CPPED1: variants seen among roughly 807,000 people sequenced by gnomAD.
CPPED1 encodes serine/threonine-protein phosphatase CPPED1.
Under a neutral mutation model 28.0 loss-of-function variants are expected in CPPED1, and 28 were observed. That is an observed-to-expected ratio of 1.00 (90% CI 0.74 to 1.37). The LOEUF is 1.37. Ranked by LOEUF, CPPED1 falls within the 40% of genes most tolerant of loss-of-function variation. The pLI is 0.00. For missense variants in CPPED1, 504 were observed against 416.5 expected, an observed-to-expected ratio of 1.21 and a Z score of -1.83; for synonymous variants, 198 against 180.2, an observed-to-expected ratio of 1.10 and a Z score of -0.79.
At chr16:12,741,206 T>C (rs1326642260) in intron 2 of CPPED1, among the ~76,000 whole-genome samples, 1 of 152,062 alleles carries the variant, frequency 6.6e-6, no homozygotes, top group African/African-American at 2.4e-5. Flanking sequence ...GAAAGAATGG[T>C]TCTGCCTCAT....
intron 2 of CPPED1, among the ~76,000 whole-genome samples, chr16:12,729,796 G>A (rs1173279617): frequency 6.6e-6 from 1 of 152,202 alleles, no homozygotes; most frequent in Non-Finnish European, 1.5e-5. Flanking sequence ...GGACAAACAG[G>A]AGAGAACAGC....
chr16:12,789,482 G>A (rs1395712158), intron 1 of CPPED1, among the ~76,000 whole-genome samples: 1 of 152,054 alleles, frequency 6.6e-6, no homozygotes, highest in African/African-American at 2.4e-5. Context: ...GAATGCCTAG[G>A]TCTAGCCAAA....
In CPPED1 at chr16:12,773,178, G is replaced by A. The variant is rs75197255; in HGVS notation, c.289+8007C>T. ...CATTCTGCATAAAGACCCTTTTAAA[G>A]TATATATGTGTGGCCGTTTTCCTGA... is the stretch of plus-strand genomic sequence containing the variant. On this transcript the variant is annotated intron_variant, in intron 2 of 3. Transcript: ENST00000381774. Among the ~76,000 whole-genome samples the A allele has an allele frequency of 5.9e-3, 888 of 151,780 alleles. 11 individuals are homozygous for A. Among genetic ancestry groups the A allele is most frequent in the African/African-American group, 0.02 (836 of 41,538 alleles).
intron 3 of CPPED1, among the ~76,000 whole-genome samples, chr16:12,702,013 C>T (rs1471010315): frequency 5.9e-5 from 9 of 152,262 alleles, no homozygotes; most frequent in East Asian, 5.8e-4. Flanking sequence ...GAGAAAGCAC[C>T]GCTGGGGTGG....
intron 2 of CPPED1, among the ~76,000 whole-genome samples, chr16:12,752,827 A>G (rs907423137): frequency 6.8e-6 from 1 of 148,100 alleles, no homozygotes. Flanking sequence ...TACATAACAT[A>G]TATTAATTAG....
At chr16:12,713,476 C>A (rs1252632151) in intron 2 of CPPED1, among the ~76,000 whole-genome samples, 3 of 151,942 alleles carry the variant, frequency 2.0e-5, no homozygotes, top group Admixed American at 2.0e-4. Flanking sequence ...TGCGATTCTC[C>A]TGCCTCAACC....
chr16:12,711,257 C>T (rs1362896487), intron 2 of CPPED1, among the ~76,000 whole-genome samples: 1 of 152,140 alleles, frequency 6.6e-6, no homozygotes, highest in African/African-American at 2.4e-5. Flanking sequence ...TGTTTGATGT[C>T]ACTTATATGA....
intron 1 of CPPED1, among the ~76,000 whole-genome samples, chr16:12,792,404 G>A (rs1017651020): frequency 6.6e-6 from 1 of 152,144 alleles, no homozygotes; most frequent in African/African-American, 2.4e-5. Context: ...GATAAAGGCT[G>A]GAGATGCTGC....
chr16:12,696,671 G>A (rs910100035), intron 3 of CPPED1, among the ~76,000 whole-genome samples: 3 of 151,936 alleles, frequency 2.0e-5, no homozygotes, highest in Non-Finnish European at 4.4e-5. Context: ...TCGAACTCCT[G>A]ACCTCAGGTG....
At chr16:12,683,545 C>G (rs377473531) in intron 3 of CPPED1, among the ~76,000 whole-genome samples, 1 of 152,188 alleles carries the variant, frequency 6.6e-6, no homozygotes, top group Admixed American at 6.5e-5. Flanking sequence ...TCTGCAAACT[C>G]AACCCGCTTA....
At chr16:12,743,779 G>A (rs1030464666) in intron 2 of CPPED1, among the ~76,000 whole-genome samples, 1 of 152,096 alleles carries the variant, frequency 6.6e-6, no homozygotes, top group Admixed American at 6.6e-5. Context: ...CAAGGCAGGT[G>A]GATCACTTGA....
intron 2 of CPPED1, among the ~76,000 whole-genome samples, chr16:12,744,903 CTT>C (rs2080277474): frequency 6.6e-6 from 1 of 152,190 alleles, no homozygotes; most frequent in Non-Finnish European, 1.5e-5. Flanking sequence ...GGGAGGATGA[CTT>C]GAGCCCAGGA....
intron 3 of CPPED1, among the ~76,000 whole-genome samples, chr16:12,697,085 C>T (rs922483894): frequency 5.9e-5 from 9 of 152,076 alleles, no homozygotes; most frequent in South Asian, 4.2e-4. Context: ...AGTGCAGTGG[C>T]GCAATCTCAG....
intron 2 of CPPED1, among the ~76,000 whole-genome samples, chr16:12,712,916 C>G (rs1459844042): frequency 6.6e-6 from 1 of 151,870 alleles, no homozygotes; most frequent in Non-Finnish European, 1.5e-5. Flanking sequence ...GAAAAATAAT[C>G]AAGACATTAA....
chr16:12,667,502 C>T (rs1339205764), intron 3 of CPPED1, among the ~76,000 whole-genome samples: 1 of 152,050 alleles, frequency 6.6e-6, no homozygotes, highest in Non-Finnish European at 1.5e-5. Context: ...GCCTGTAATC[C>T]CTGTACTTTG....
chr16:12,710,705 T>C (rs2080075471), intron 2 of CPPED1, among the ~76,000 whole-genome samples: 1 of 152,066 alleles, frequency 6.6e-6, no homozygotes, highest in South Asian at 2.1e-4. Context: ...CCAAAGAGGA[T>C]ATATAAATGG....
chr16:12,795,603 G>A (rs1160237969), intron 1 of CPPED1, among the ~76,000 whole-genome samples: 2 of 152,064 alleles, frequency 1.3e-5, no homozygotes, highest in African/African-American at 2.4e-5. Flanking sequence ...GCCTCCCAAA[G>A]TGTTAGGATT....
chr16:12,729,008 CT>C (rs2080184120), intron 2 of CPPED1, among the ~76,000 whole-genome samples: 2 of 152,168 alleles, frequency 1.3e-5, no homozygotes, highest in Non-Finnish European at 2.9e-5. Context: ...TTGTTCTCTG[CT>C]GGTGAGGTCA....
intron 2 of CPPED1, among the ~76,000 whole-genome samples, chr16:12,767,981 G>A (rs796489448): frequency 6.6e-5 from 10 of 152,016 alleles, no homozygotes; most frequent in African/African-American, 2.2e-4. Context: ...AAAAACCCCT[G>A]CCCTATTGGA....
Sources: gnomAD v4.1 joint callset for allele counts (sites outside exome capture counted in the v4.1 genomes callset) on GRCh38, gnomAD v4.1.1 for gene constraint, MANE v1.5 for transcripts, NCBI Gene and HGNC (gene_info 2026-07-23, HGNC 2026-07-21) for gene names.